Variants in GSTA2 observed in about 807,000 individuals in gnomAD.
GSTA2 encodes the protein glutathione S-transferase alpha 2, also known as glutathione S-transferase A2.
In GSTA2, 27 loss-of-function variants were observed where a neutral mutation model predicts 22.4. The ratio of observed to expected loss-of-function variants is 1.21; its 90% CI spans 0.89 to 1.67. The LOEUF is 1.67. GSTA2 is among the 40% of genes most tolerant of loss of function. GSTA2 has a pLI of 0.00. For synonymous variants in GSTA2, 121 were observed against 86.8 expected, an observed-to-expected ratio of 1.39 and a Z score of -2.19; for missense variants, 302 against 260.2, an observed-to-expected ratio of 1.16 and a Z score of -1.11.
intron 1 of GSTA2, among the ~76,000 whole-genome samples, chr6:52,759,563 GTTTTTTTTTTTTTT>G (rs70977382): frequency 2.2e-3 from 75 of 34,188 alleles, no homozygotes; most frequent in South Asian, 6.8e-3. Flanking sequence ...GTATTTATTT[GTTTTTTTTTTTTTT>G]TTTTTTTTTT....
In GSTA2 at chr6:52,762,648, G is replaced by A. The variant is rs138886801; in HGVS notation, c.-31+796C>T. Among the ~76,000 whole-genome samples the A allele has an allele frequency of 2.4e-4, 37 of 152,278 alleles. No individual in the cohort carries two copies. The East Asian group carries it at 6.6e-3, about 27-fold the overall frequency. On this transcript the variant is annotated intron_variant, in intron 1 of 6. Coordinates refer to ENST00000493422, the MANE Select transcript of GSTA2 (RefSeq NM_000846.5). ...ATACTGAGGGAACTCAGAGACTGGCGCCAGCGCAGGTCCTCCATATGCTGA... is the reference window on the plus strand; with the variant it reads ...ATACTGAGGGAACTCAGAGACTGGCACCAGCGCAGGTCCTCCATATGCTGA...
chr6:52,753,153 T>TAC (rs1475305344), intron 4 of GSTA2, among the ~76,000 whole-genome samples, 158 bp from the exon 5 acceptor site: 1 of 146,926 alleles, frequency 6.8e-6, no homozygotes, highest in East Asian at 1.9e-4. Flanking sequence ...GTTTTACAGG[T>TAC]ATATAGTCAT....
rs768126296 is a variant in GSTA2, at chr6:52,750,567, G to A, written c.*10C>T. The A allele has an allele frequency of 1.2e-6, 2 of 1,613,332 alleles. No individual in the cohort carries two copies. Among genetic ancestry groups the A allele is most frequent in the Non-Finnish European group, 1.7e-6 (2 of 1,179,574 alleles). On this transcript the variant is annotated 3_prime_UTR_variant, in exon 7 of 7. Coordinates refer to ENST00000493422, the MANE Select transcript of GSTA2 (RefSeq NM_000846.5). ...GGTCTTGCATGTTCTTGACCTCTAT[G>A]GCTGGTTTATTAAAACCTGAAAATC...
At chr6:52,755,109 G>A in intron 3 of GSTA2, 34 bp from the exon 4 acceptor site, 1 of 1,612,130 alleles carries the variant, frequency 6.2e-7, no homozygotes, top group Admixed American at 1.7e-5. Context: ...AGAGTGAAGT[G>A]TCTATGAAAC....
chr6:52,750,457 T>A lies in GSTA2; in HGVS notation c.*120A>T. On this transcript the variant is annotated 3_prime_UTR_variant, in exon 7 of 7. Coordinates refer to ENST00000493422, the MANE Select transcript of GSTA2 (RefSeq NM_000846.5). ...GGAGTTGTATTATTTAATTAGCATA[T>A]AATTTGAAAGAGTTCATTAGCTTCA... 1 of 892,478 alleles carries A rather than the reference T, an allele frequency of 1.1e-6. No individual in the cohort carries two copies. Among genetic ancestry groups the A allele is most frequent in the South Asian group, 1.8e-5 (1 of 56,484 alleles). 55.3% of individuals were successfully genotyped at this position (892,478 alleles called of 1,614,324 possible).
chr6:52,751,768 T>G (rs1762743668), intron 5 of GSTA2, 60 bp from the exon 6 acceptor site: 1 of 1,612,680 alleles, frequency 6.2e-7, no homozygotes, highest in Non-Finnish European at 8.5e-7. Context: ...GACCCCTGCT[T>G]CTTTCAGAGC....
intron 5 of GSTA2, among the ~76,000 whole-genome samples, chr6:52,752,446 G>T (rs7765255): frequency 0.018 from 2,714 of 152,166 alleles, 89 homozygotes; most frequent in African/African-American, 0.061. Context: ...TTGGGCAATT[G>T]GTCTCCTGTC....
In GSTA2 at chr6:52,752,885, G is replaced by A. The variant is rs752773504; in HGVS notation, c.383C>T (p.Thr128Ile). The A allele has an allele frequency of 9.3e-6, 15 of 1,613,818 alleles. No homozygotes were observed. In the South Asian group the frequency reaches 1.2e-4, roughly 13 times the overall value. ...DAKLALIQEKTKNRYFPAFEK... is the reference protein window; with the variant it reads ...DAKLALIQEKIKNRYFPAFEK... The stretch of plus-strand genomic sequence containing the variant: ...AAAGGCAGGGAAGTAGCGATTTTTT[G>A]TTTTCTCTTGGATCAAGGCAAGCTT... Residue 128 changes from threonine (T) to isoleucine (I), a missense_variant, in exon 5 of 7, where the codon ACA (threonine) becomes ATA (isoleucine). Thr to Ile is a moderately conservative substitution (Grantham distance 89). Transcript: ENST00000493422.
chr6:52,755,170 A>T, intron 3 of GSTA2, 95 bp from the exon 4 acceptor site: 1 of 1,538,958 alleles, frequency 6.5e-7, no homozygotes, highest in Non-Finnish European at 8.8e-7. Flanking sequence ...TAAATTTGTA[A>T]AACGAAAAAG....
intron 1 of GSTA2, among the ~76,000 whole-genome samples, chr6:52,762,949 CG>C (rs1321078173): frequency 6.6e-6 from 1 of 152,192 alleles, no homozygotes; most frequent in Non-Finnish European, 1.5e-5. Flanking sequence ...GACTTGTCGT[CG>C]AGCTAATTAG....
Position 52,751,709 on chromosome 6 carries a change from C to G in GSTA2, c.415-1G>C, listed in dbSNP as rs371586337. On this transcript the variant is annotated splice_acceptor_variant, in intron 5 of 6. Transcript: ENST00000493422. LOFTEE classifies it high-confidence loss of function. ...AGTCTTGTCCGTGGCTCTTTAAGAC[C>G]TGGAGAATGGGAGGAATCAGATCAG... The G allele has an allele frequency of 1.4e-5, 23 of 1,614,040 alleles. No individual in the cohort carries two copies. Among genetic ancestry groups the G allele is most frequent in the Non-Finnish European group, 1.9e-5 (23 of 1,180,000 alleles).
intron 3 of GSTA2, among the ~76,000 whole-genome samples, chr6:52,755,636 T>A (rs1762827767): frequency 6.6e-6 from 1 of 152,286 alleles, no homozygotes; most frequent in African/African-American, 2.4e-5. Flanking sequence ...GACTCTTGAA[T>A]TTTTTGTGTT....
At chr6:52,763,097 T>A (rs746673174) in intron 1 of GSTA2, among the ~76,000 whole-genome samples, 35 of 152,204 alleles carry the variant, frequency 2.3e-4, no homozygotes, top group Non-Finnish European at 4.4e-4. Context: ...GTTGACTATA[T>A]ATATAAAGAA....
intron 2 of GSTA2, among the ~76,000 whole-genome samples, chr6:52,757,306 A>T (rs2749006): frequency 8.1e-6 from 1 of 124,128 alleles, no homozygotes; most frequent in African/African-American, 3.2e-5. Flanking sequence ...ACAGAAAAGC[A>T]TAATGATTCT....
intron 5 of GSTA2, 134 bp downstream of exon 5, chr6:52,752,720 G>C: frequency 1.9e-6 from 2 of 1,058,922 alleles, no homozygotes; most frequent in Admixed American, 2.1e-5. Flanking sequence ...AAAATGCCTT[G>C]AGAGTCAGAG....
At chr6:52,759,976 T>C (rs1287565240) in intron 1 of GSTA2, among the ~76,000 whole-genome samples, 2 of 152,220 alleles carry the variant, frequency 1.3e-5, no homozygotes, top group East Asian at 1.9e-4. Flanking sequence ...GAGTCAATAG[T>C]TTAACCTTTG....
At chr6:52,755,187 C>T (rs1183222867) in intron 3 of GSTA2, 112 bp from the exon 4 acceptor site, 2 of 1,400,018 alleles carry the variant, frequency 1.4e-6, no homozygotes, top group Non-Finnish European at 2.0e-6. Context: ...AAAGAAATTA[C>T]TGCCTGGTAA....
Position 52,751,687 on chromosome 6 carries a change from C to T in GSTA2, c.436G>A (p.Asp146Asn), listed in dbSNP as rs1762742041. Residue 146 changes from aspartate (D) to asparagine (N), a missense_variant, in exon 6 of 7, where the codon GAC becomes AAC. Asp to Asn is a conservative substitution (Grantham distance 23, BLOSUM62 1). Transcript: ENST00000493422. The part of the protein sequence containing the change: ...FEKVLKSHGQ[D>N]YLVGNKLSRA... ...CTCAGCTTGTTGCCAACAAGGTAGT[C>T]TTGTCCGTGGCTCTTTAAGACCTGG... is the stretch of plus-strand genomic sequence containing the variant. 1 of 1,614,064 alleles carries T rather than the reference C, an allele frequency of 6.2e-7. No individual in the cohort carries two copies. The highest frequency in any genetic ancestry group is 1.7e-5 in the Admixed American group (1 of 60,010).
intron 1 of GSTA2, 67 bp from the exon 2 acceptor site, chr6:52,758,044 G>A (rs760257746): frequency 1.1e-5 from 11 of 975,282 alleles, no homozygotes; most frequent in African/African-American, 6.5e-5. Context: ...ACTTTAGGAT[G>A]TATGGTTGAA....
Sources: gnomAD v4.1 joint callset for allele counts (sites outside exome capture counted in the v4.1 genomes callset) on GRCh38, gnomAD v4.1.1 for gene constraint, MANE v1.5 for transcripts, NCBI Gene and HGNC (gene_info 2026-07-23, HGNC 2026-07-21) for gene names.